Variants in COL13A1 observed in about 807,000 individuals in gnomAD.
The protein encoded by COL13A1 is collagen type XIII alpha 1 chain.
A neutral mutation model predicts 130.9 loss-of-function variants in COL13A1; 89 were observed. The observed-to-expected ratio is 0.68, with a 90% CI of 0.57 to 0.81. The LOEUF is 0.81. COL13A1 is among the 30% of genes least tolerant of loss of function. The probability of loss-of-function intolerance (pLI) is 0.00; values close to 1 mark genes in which losing one functional copy is unlikely to be tolerated. For missense variants in COL13A1, 879 were observed against 934.6 expected (o/e 0.94, Z 0.78); for synonymous variants, 402 against 341.6 (o/e 1.18, Z -1.95).
intron 10 of COL13A1, among the ~76,000 whole-genome samples, chr10:69,894,346 A>G (rs1057375588): frequency 1.3e-5 from 2 of 152,220 alleles, no homozygotes; most frequent in African/African-American, 4.8e-5. Flanking sequence ...TCTGTTCTTC[A>G]TCACAGCCCT....
At chr10:69,872,271 G>A (rs1181375529) in intron 4 of COL13A1, 61 bp downstream of exon 4, 1 of 1,596,690 alleles carries the variant, frequency 6.3e-7, no homozygotes, top group Non-Finnish European at 8.6e-7. Flanking sequence ...CTCAGTCTGA[G>A]GACTGGCTAG....
chr10:69,908,094 C>G (rs1240011369), intron 17 of COL13A1, among the ~76,000 whole-genome samples: 1 of 152,200 alleles, frequency 6.6e-6, no homozygotes, highest in African/African-American at 2.4e-5. Context: ...CAACCCTGCC[C>G]TCCAGACCCT....
intron 17 of COL13A1, among the ~76,000 whole-genome samples, chr10:69,915,537 A>G (rs908101256): frequency 1.3e-5 from 2 of 152,244 alleles, no homozygotes; most frequent in Non-Finnish European, 2.9e-5. Flanking sequence ...GCCGATTACA[A>G]ACGCTAAGTG....
rs754234605 is a variant in COL13A1, at chr10:69,896,856, C to T, written c.684+1280C>T. Among the ~76,000 whole-genome samples, 4 of 152,264 alleles carry T rather than the reference C, an allele frequency of 2.6e-5. No homozygotes were observed. The South Asian group carries it at 6.2e-4, about 24-fold the overall frequency. On this transcript the variant is annotated intron_variant, in intron 13 of 40. Transcript: ENST00000645393. ...CAGGGATGCAGGGGCCCTGCTGTTC[C>T]GGCCAGCCTGATCCTGATACAATAA... is the stretch of plus-strand genomic sequence containing the variant.
At chr10:69,889,740 G>A (rs2060980727) in intron 10 of COL13A1, among the ~76,000 whole-genome samples, 1 of 152,210 alleles carries the variant, frequency 6.6e-6, no homozygotes, top group Admixed American at 6.5e-5. Flanking sequence ...ACACTCGCAT[G>A]GGCCTTGGGA....
chr10:69,888,397 G>A, intron 9 of COL13A1, 67 bp downstream of exon 9: 1 of 1,572,466 alleles, frequency 6.4e-7, no homozygotes, highest in East Asian at 2.3e-5. Context: ...CATTCTGCAA[G>A]ATATTGAATC....
chr10:69,872,254 T>A (rs777544727), intron 4 of COL13A1, 44 bp downstream of exon 4: 2 of 1,611,930 alleles, frequency 1.2e-6, no homozygotes, highest in East Asian at 4.5e-5. Flanking sequence ...CTCTTTTACG[T>A]GCTTTTCTCA....
chr10:69,931,183 G>A (rs2066068454), intron 30 of COL13A1: 1 of 456,258 alleles, frequency 2.2e-6, no homozygotes, highest in Non-Finnish European at 4.4e-6. Context: ...CAACTGGGGA[G>A]AGGAGAACAT....
chr10:69,921,132 C>A (rs1056119056), intron 21 of COL13A1, among the ~76,000 whole-genome samples: 1 of 152,076 alleles, frequency 6.6e-6, no homozygotes, highest in African/African-American at 2.4e-5. Flanking sequence ...GTTAGCAGGG[C>A]GGGCTCCATC....
intron 2 of COL13A1, among the ~76,000 whole-genome samples, chr10:69,851,666 T>C (rs1310744789): frequency 6.6e-6 from 1 of 152,168 alleles, no homozygotes; most frequent in African/African-American, 2.4e-5. Flanking sequence ...TTTTGTTTTG[T>C]TTTTTTGAGA....
At chr10:69,855,526 A>G (rs1307816593) in intron 2 of COL13A1, among the ~76,000 whole-genome samples, 1 of 152,240 alleles carries the variant, frequency 6.6e-6, no homozygotes, top group Admixed American at 6.5e-5. Flanking sequence ...ACTAATAATT[A>G]GTAATTAGCT....
At chr10:69,939,960 C>T (rs187071839) in intron 34 of COL13A1, among the ~76,000 whole-genome samples, 244 of 152,320 alleles carry the variant, frequency 1.6e-3, no homozygotes, top group African/African-American at 5.4e-3. Flanking sequence ...ATTTGAAATT[C>T]TGAGGCTGAG....
At chr10:69,873,716 G>T (rs2395274) in intron 4 of COL13A1, among the ~76,000 whole-genome samples, 1,957 of 152,276 alleles carry the variant, frequency 0.013, 23 homozygotes, top group Middle Eastern at 0.027. Context: ...CCTGGCCTGG[G>T]GTCCTTCGCA....
intron 2 of COL13A1, among the ~76,000 whole-genome samples, chr10:69,827,437 C>G (rs1001984405): frequency 6.6e-6 from 1 of 152,184 alleles, no homozygotes; most frequent in African/African-American, 2.4e-5. Flanking sequence ...GATGTCTGCT[C>G]TGGATACAGG....
chr10:69,836,366 C>A (rs954420328), intron 2 of COL13A1, among the ~76,000 whole-genome samples: 1 of 152,236 alleles, frequency 6.6e-6, no homozygotes, highest in Admixed American at 6.5e-5. Flanking sequence ...AGGTCTAGAA[C>A]CACACTGTTG....
Position 69,802,651 on chromosome 10 carries a change from A to G in COL13A1, c.228A>G (p.Glu76=), listed in dbSNP as rs1840336502. The stretch of plus-strand genomic sequence containing the variant: ...TGCAGGCCCGGGTGCTGCGCCTGGA[A>G]GCGGAGCGCGGGGAGCAGCAAATGG... The part of the protein sequence containing the change: ...AELQARVLRL[E]AERGEQQMET... The change falls in exon 1 of 41, where the codon GAA becomes GAG. Residue 76 remains glutamate (E), a synonymous_variant. Coordinates refer to ENST00000645393, the MANE Select transcript of COL13A1 (RefSeq NM_001368882.1). 1.2e-6 allele frequency: 2 copies of G among 1,613,316 alleles called. No individual in the cohort carries two copies. Among genetic ancestry groups the G allele is most frequent in the African/African-American group, 2.7e-5 (2 of 74,890 alleles).
At chr10:69,867,455 T>C (rs1405894019) in intron 2 of COL13A1, among the ~76,000 whole-genome samples, 2 of 152,158 alleles carry the variant, frequency 1.3e-5, no homozygotes, top group Non-Finnish European at 2.9e-5. Context: ...CGCTGCCCAC[T>C]GTCCCGTGTT....
intron 17 of COL13A1, among the ~76,000 whole-genome samples, chr10:69,914,872 C>T (rs1294193764): frequency 6.6e-6 from 1 of 152,248 alleles, no homozygotes; most frequent in African/African-American, 2.4e-5. Flanking sequence ...AGGCAGTGAG[C>T]TTTTCTGGGC....
At chr10:69,908,129 CAGG>C (rs543281015) in intron 17 of COL13A1, among the ~76,000 whole-genome samples, 1 of 152,118 alleles carries the variant, frequency 6.6e-6, no homozygotes, top group Non-Finnish European at 1.5e-5. Flanking sequence ...TAGAGCCTTC[CAGG>C]AGGAGAAAAG....
Sources: gnomAD v4.1 joint callset for allele counts (sites outside exome capture counted in the v4.1 genomes callset) on GRCh38, gnomAD v4.1.1 for gene constraint, MANE v1.5 for transcripts, NCBI Gene and HGNC (gene_info 2026-07-23, HGNC 2026-07-21) for gene names.